The following SLC30A8 variants were observed in gnomAD, a reference collection of about 807,000 sequenced individuals.
The protein encoded by SLC30A8 is solute carrier family 30 member 8.
Under a neutral mutation model 36.9 loss-of-function variants are expected in SLC30A8, and 27 were observed. The observed-to-expected ratio is 0.73, with a 90% CI of 0.54 to 1.01. The LOEUF is 1.01. Among genes scored for constraint, SLC30A8 ranks in the 50% least tolerant of loss-of-function variants. SLC30A8 has a pLI of 0.00. For synonymous variants in SLC30A8, 164 were observed against 172.4 expected (o/e 0.95, Z 0.38); for missense variants, 439 against 452.0 (o/e 0.97, Z 0.26).
intron 2 of SLC30A8, among the ~76,000 whole-genome samples, chr8:117,125,961 G>A (rs184579675): frequency 6.6e-6 from 1 of 152,104 alleles, no homozygotes; most frequent in Admixed American, 6.6e-5. Context: ...TCTAGTGAAT[G>A]TCAGAGTTTT....
At chr8:117,151,556 C>T (rs986762600) in intron 2 of SLC30A8, among the ~76,000 whole-genome samples, 2 of 152,214 alleles carry the variant, frequency 1.3e-5, no homozygotes, top group Admixed American at 1.3e-4. Context: ...TCCATAGTAA[C>T]ATGCTTATTC....
rs549947009 is a variant in SLC30A8 at position 117,086,881 on chromosome 8, T to C, written c.-226+47623T>C. 9.9e-5 allele frequency among the ~76,000 whole-genome samples: 15 copies of C among 152,282 alleles called. No homozygotes were observed. In the East Asian group the frequency reaches 1.5e-3, roughly 16 times the overall value. On this transcript the variant is annotated intron_variant, in intron 2 of 10. Transcript: ENST00000427715. ...ACTAATAAAATCTAACATTCATAGA[T>C]GGATCAGGAGAAAATAAAGTATCAA...
chr8:117,044,561 A>G (rs1292189125), intron 2 of SLC30A8, among the ~76,000 whole-genome samples: 2 of 152,228 alleles, frequency 1.3e-5, no homozygotes, highest in South Asian at 2.1e-4. Context: ...AAGGCGTGTC[A>G]GCGGGTTGAC....
Position 117,159,032 on chromosome 8 carries a change from G to A in SLC30A8, c.572+1188G>A, listed in dbSNP as rs1055347546. 2.6e-5 allele frequency among the ~76,000 whole-genome samples: 4 copies of A among 152,312 alleles called. No homozygotes were observed. In the East Asian group the frequency reaches 7.7e-4, roughly 29 times the overall value. ...GAGATCAGAGAGGAGAGAAGATGCT[G>A]TATTTCTGATGTTGAAAATGGAGAA... On this transcript the variant is annotated intron_variant, in intron 4 of 7. Coordinates refer to ENST00000456015, the MANE Select transcript of SLC30A8 (RefSeq NM_173851.3).
At chr8:117,028,541 C>G (rs987365123) in intron 1 of SLC30A8, among the ~76,000 whole-genome samples, 1 of 138,622 alleles carries the variant, frequency 7.2e-6, no homozygotes, top group Non-Finnish European at 1.5e-5. Context: ...TCTGCATCTT[C>G]TCACCACAGT....
chr8:117,031,981 T>TA (rs1441309777), intron 1 of SLC30A8, among the ~76,000 whole-genome samples: 7 of 152,176 alleles, frequency 4.6e-5, no homozygotes, highest in South Asian at 2.1e-4. Context: ...TCCTCATACT[T>TA]ACCTTCACAT....
chr8:117,101,226 C>A (rs1308867395), intron 2 of SLC30A8, among the ~76,000 whole-genome samples: 1 of 152,142 alleles, frequency 6.6e-6, no homozygotes, highest in African/African-American at 2.4e-5. Context: ...CCAGTAAAGA[C>A]AAGTGCGTCT....
intron 2 of SLC30A8, among the ~76,000 whole-genome samples, chr8:117,114,772 A>T (rs1192797794): frequency 6.6e-6 from 1 of 152,096 alleles, no homozygotes. Flanking sequence ...CAGTGTGAAA[A>T]TGACCAATTT....
chr8:117,143,928 G>A (rs1320950820), intron 1 of SLC30A8, among the ~76,000 whole-genome samples: 2 of 152,172 alleles, frequency 1.3e-5, no homozygotes, highest in South Asian at 4.2e-4. Context: ...TCTTGCTTTG[G>A]ACTGGCTTCT....
rs1815932331 is a variant in SLC30A8, at chr8:116,999,403, G to A, written c.-265-39816G>A. On this transcript the variant is annotated intron_variant, in intron 1 of 10. Transcript: ENST00000427715. ...AAGCAGGCAGAGGTTGGTAGCAAGA[G>A]AAGTGAGCATGAGAGTGACAGCAAG... Among the ~76,000 whole-genome samples the A allele has an allele frequency of 2.6e-5, 4 of 152,324 alleles. No homozygotes were observed. In the South Asian group the frequency reaches 8.3e-4, roughly 32 times the overall value.
chr8:116,978,650 A>G (rs1815142141), intron 1 of SLC30A8, among the ~76,000 whole-genome samples: 1 of 152,216 alleles, frequency 6.6e-6, no homozygotes, highest in South Asian at 2.1e-4. Context: ...ATGTTATGAA[A>G]GAAAGCCACA....
intron 2 of SLC30A8, among the ~76,000 whole-genome samples, chr8:117,111,850 G>C (rs1820241822): frequency 6.6e-6 from 1 of 152,046 alleles, no homozygotes; most frequent in Non-Finnish European, 1.5e-5. Context: ...TCTGCTCCTG[G>C]TTGAGGCATT....
chr8:117,153,208 T>G (rs549475014), intron 3 of SLC30A8, 118 bp downstream of exon 3: 407 of 1,029,106 alleles, frequency 4.0e-4, no homozygotes, highest in Admixed American at 8.5e-4. Context: ...ACATTTCTGA[T>G]GCACAGGATA....
chr8:117,037,969 C>A (rs1817268158), intron 1 of SLC30A8, among the ~76,000 whole-genome samples: 1 of 152,284 alleles, frequency 6.6e-6, no homozygotes, highest in East Asian at 1.9e-4. Context: ...GAATTCACTG[C>A]AGATTCAGAC....
chr8:117,135,459 C>T, intron 1 of SLC30A8, 61 bp downstream of exon 1: 1 of 1,351,822 alleles, frequency 7.4e-7, no homozygotes, highest in Non-Finnish European at 1.0e-6. Context: ...AATTCCTATA[C>T]CTTGTTGCTT....
rs1823592190 is a variant in SLC30A8, at chr8:117,174,862, A to G, written c.*2181A>G. The G allele has an allele frequency of 6.6e-6, 1 of 152,468 alleles. No homozygotes were observed. The highest frequency in any genetic ancestry group is 2.4e-5 in the African/African-American group (1 of 41,398). The allele number at this position is 152,468 out of a possible 1,614,324, so 9.4% of individuals were successfully genotyped here. On this transcript the variant is annotated 3_prime_UTR_variant, in exon 8 of 8. Transcript: ENST00000456015. ...AGCTAGATTGAAAACTCTGAACAGT[A>G]GATGTTTATATGGCAAAATGCAAGA...
At chr8:117,098,645 A>G (rs1401588439) in intron 2 of SLC30A8, among the ~76,000 whole-genome samples, 1 of 152,174 alleles carries the variant, frequency 6.6e-6, no homozygotes, top group East Asian at 1.9e-4. Flanking sequence ...TGATTTTGTG[A>G]TGGGATCAGG....
At chr8:117,155,556 G>A (rs150304897) in intron 3 of SLC30A8, among the ~76,000 whole-genome samples, 1,982 of 152,046 alleles carry the variant, frequency 0.013, 19 homozygotes, top group Middle Eastern at 0.041. Context: ...CTACAAATTG[G>A]GTACAGTATT....
At chr8:116,967,681 C>T (rs928816438) in intron 1 of SLC30A8, among the ~76,000 whole-genome samples, 3 of 152,050 alleles carry the variant, frequency 2.0e-5, no homozygotes, top group Admixed American at 6.6e-5. Context: ...CTTACGGTGG[C>T]GTGTAAGTTT....
Sources: gnomAD v4.1 joint callset for allele counts (sites outside exome capture counted in the v4.1 genomes callset) on GRCh38, gnomAD v4.1.1 for gene constraint, MANE v1.5 for transcripts, NCBI Gene and HGNC (gene_info 2026-07-23, HGNC 2026-07-21) for gene names.